Variants in ALG14 observed in about 807,000 individuals in gnomAD.
The protein encoded by ALG14 is ALG14 UDP-N-acetylglucosaminyltransferase subunit.
Under a neutral mutation model 22.8 loss-of-function variants are expected in ALG14, and 17 were observed. The ratio of observed to expected loss-of-function variants is 0.75; its 90% CI spans 0.51 to 1.12. The LOEUF is 1.12. Ranked by LOEUF, ALG14 falls within the 50% of genes most tolerant of loss-of-function variation. The pLI is 0.00. For synonymous variants in ALG14, 89 were observed against 103.7 expected, an observed-to-expected ratio of 0.86 and a Z score of 0.86; for missense variants, 288 against 271.8, an observed-to-expected ratio of 1.06 and a Z score of -0.42.
At chr1:95,019,389 G>C (rs563989888) in intron 3 of ALG14, among the ~76,000 whole-genome samples, 2 of 152,258 alleles carry the variant, frequency 1.3e-5, no homozygotes, top group East Asian at 3.9e-4. Context: ...ACCTGTTTCT[G>C]ATTGGATCTT....
chr1:95,057,447 TATAA>T (rs1674973586), intron 2 of ALG14, among the ~76,000 whole-genome samples: 1 of 151,834 alleles, frequency 6.6e-6, no homozygotes, highest in Non-Finnish European at 1.5e-5. Context: ...TATTAGGTAT[TATAA>T]ATAATCTGAA....
At chr1:95,007,342 C>T (rs1673245847) in intron 3 of ALG14, among the ~76,000 whole-genome samples, 1 of 152,208 alleles carries the variant, frequency 6.6e-6, no homozygotes, top group Admixed American at 6.5e-5. Context: ...CGTCTGAAGA[C>T]ATTTTTCCCT....
intron 3 of ALG14, among the ~76,000 whole-genome samples, chr1:95,020,288 G>T (rs890874343): frequency 2.0e-5 from 3 of 151,986 alleles, no homozygotes; most frequent in African/African-American, 7.3e-5. Context: ...AAGAGTAAGC[G>T]CTAACTGAAA....
At chr1:95,049,653 T>C (rs1366950208) in intron 2 of ALG14, among the ~76,000 whole-genome samples, 1 of 152,050 alleles carries the variant, frequency 6.6e-6, no homozygotes, top group Non-Finnish European at 1.5e-5. Flanking sequence ...AGGCAGATCA[T>C]TTGAGCTCAA....
intron 3 of ALG14, among the ~76,000 whole-genome samples, chr1:94,987,106 G>C (rs1031054222): frequency 1.8e-4 from 27 of 152,180 alleles, no homozygotes; most frequent in African/African-American, 6.5e-4. Flanking sequence ...ACCATGTAGA[G>C]AGCTTGAGAA....
chr1:95,049,202 AAGG>A (rs1389569747), intron 2 of ALG14, among the ~76,000 whole-genome samples: 1 of 152,206 alleles, frequency 6.6e-6, no homozygotes, highest in African/African-American at 2.4e-5. Context: ...AGGGCTATGA[AAGG>A]TTATAATTAC....
chr1:95,042,313 C>T (rs1254107691), intron 2 of ALG14, among the ~76,000 whole-genome samples: 1 of 151,990 alleles, frequency 6.6e-6, no homozygotes, highest in African/African-American at 2.4e-5. Flanking sequence ...CATACACACA[C>T]ACACACACAC....
Position 94,982,699 on chromosome 1 carries a change from C to CAAAAAAAAAAAAAAAAA in ALG14, c.*360_*376dup, listed in dbSNP as rs368855559. 2.5e-5 allele frequency: 2 copies of CAAAAAAAAAAAAAAAAA among 79,460 alleles called. No individual in the cohort carries two copies. Among genetic ancestry groups the CAAAAAAAAAAAAAAAAA allele is most frequent in the African/African-American group, 9.9e-5 (2 of 20,206 alleles). 4.9% of individuals were successfully genotyped at this position (79,460 alleles called of 1,614,324 possible). A position where few individuals can be genotyped will look rare whatever the true frequency, so the allele number is the denominator to read the frequency against. ...TTCTTTTACAATGCAGAATACTTTACAAAAAAAAAAAAAAAAAAAAAAAGC... is the reference window on the plus strand; with the variant it reads ...TTCTTTTACAATGCAGAATACTTTACAAAAAAAAAAAAAAAAAAAAAAAAAAAAAAAAAAAAAAAAGC... On this transcript the variant is annotated 3_prime_UTR_variant, in exon 4 of 4. Coordinates refer to ENST00000370205, the MANE Select transcript of ALG14 (RefSeq NM_144988.4).
rs539550497 is a variant in ALG14 at position 94,983,004 on chromosome 1, G to A, written c.*72C>T. 7.7e-7 allele frequency: 1 copy of A among 1,299,884 alleles called. No individual in the cohort carries two copies. The highest frequency in any genetic ancestry group is 2.3e-5 in the East Asian group (1 of 43,062). 80.5% of individuals were successfully genotyped at this position (1,299,884 alleles called of 1,614,324 possible). A position where few individuals can be genotyped will look rare whatever the true frequency, so the allele number is the denominator to read the frequency against. ...AGACGCCTTTACAAGAAACATGTAG[G>A]GTTTTTTTCCCCCCAATTTGAGTAC... On this transcript the variant is annotated 3_prime_UTR_variant, in exon 4 of 4. Coordinates refer to ENST00000370205, the MANE Select transcript of ALG14 (RefSeq NM_144988.4).
rs1234535435 is a variant in ALG14, at chr1:94,977,192, G to C, written c.*5884C>G. On this transcript the variant is annotated 3_prime_UTR_variant, in exon 4 of 4. Coordinates refer to ENST00000370205, the MANE Select transcript of ALG14 (RefSeq NM_144988.4). Reference sequence around the variant, plus strand: ...CACAGATCACTGACTGACTAAAGAGGAGATAGGCCGGGCGCAGTGCCGCAT... The same window carrying C: ...CACAGATCACTGACTGACTAAAGAGCAGATAGGCCGGGCGCAGTGCCGCAT... 2 of 152,174 alleles carry C rather than the reference G, an allele frequency of 1.3e-5. No homozygotes were observed. The allele number at this position is 152,174 out of a possible 1,614,324, so 9.4% of individuals were successfully genotyped here. A position where few individuals can be genotyped will look rare whatever the true frequency, so the allele number is the denominator to read the frequency against.
rs1426051277 is a variant in ALG14, at chr1:94,982,091, T to A, written c.*985A>T. On this transcript the variant is annotated 3_prime_UTR_variant, in exon 4 of 4. Coordinates refer to ENST00000370205, the MANE Select transcript of ALG14 (RefSeq NM_144988.4). ...GGACAAGTCATCTGTAAAATGGGAATAATAACAGTCCCTACATCATTGAGT... is the reference window on the plus strand; with the variant it reads ...GGACAAGTCATCTGTAAAATGGGAAAAATAACAGTCCCTACATCATTGAGT... 6.6e-6 allele frequency: 1 copy of A among 150,846 alleles called. No individual in the cohort carries two copies. Among genetic ancestry groups the A allele is most frequent in the Non-Finnish European group, 1.5e-5 (1 of 67,818 alleles). The allele number at this position is 150,846 out of a possible 1,614,324, so 9.3% of individuals were successfully genotyped here.
At chr1:95,061,456 A>C (rs1238965863) in intron 2 of ALG14, 1 of 152,104 alleles carries the variant, frequency 6.6e-6, no homozygotes, top group Non-Finnish European at 1.5e-5. Flanking sequence ...TTTACAAATG[A>C]CCAAAAGTTA....
At chr1:95,064,650 A>G (rs1675291620) in intron 2 of ALG14, among the ~76,000 whole-genome samples, 3 of 152,216 alleles carry the variant, frequency 2.0e-5, no homozygotes, top group Admixed American at 6.5e-5. Flanking sequence ...CATGGTGGAT[A>G]AACTTTTTGA....
chr1:95,017,688 C>G (rs1242675755), intron 3 of ALG14, among the ~76,000 whole-genome samples: 2 of 152,208 alleles, frequency 1.3e-5, no homozygotes, highest in Non-Finnish European at 2.9e-5. Flanking sequence ...AGGGCAACCA[C>G]CTTCTCGAAG....
chr1:94,988,031 T>TGCCCAGGAACACA (rs2100716326), intron 3 of ALG14, among the ~76,000 whole-genome samples: 1 of 152,322 alleles, frequency 6.6e-6, no homozygotes, highest in South Asian at 2.1e-4. Context: ...GAAAGCTTTA[T>TGCCCAGGAACACA]TGAGCTCCTG....
chr1:95,003,464 T>A (rs1422905513), intron 3 of ALG14, among the ~76,000 whole-genome samples: 2 of 151,752 alleles, frequency 1.3e-5, no homozygotes, highest in East Asian at 3.9e-4. Flanking sequence ...TTTTTTTTTT[T>A]TTTGAGACAG....
intron 2 of ALG14, 125 bp from the exon 3 acceptor site, chr1:95,027,385 T>A: frequency 8.4e-7 from 1 of 1,195,042 alleles, no homozygotes; most frequent in South Asian, 1.5e-5. Flanking sequence ...CTAACCACTT[T>A]TAAATTAGAG....
chr1:95,026,171 A>T (rs1673809718), intron 3 of ALG14, among the ~76,000 whole-genome samples: 2 of 152,218 alleles, frequency 1.3e-5, no homozygotes, highest in South Asian at 4.2e-4. Flanking sequence ...TAACCTTGTG[A>T]TCCGCCTGCC....
chr1:95,001,895 G>A (rs1339871258), intron 3 of ALG14, among the ~76,000 whole-genome samples: 1 of 152,138 alleles, frequency 6.6e-6, no homozygotes, highest in Admixed American at 6.5e-5. Context: ...CATAAATATA[G>A]GCATTCAATT....
Sources: gnomAD v4.1 joint callset for allele counts (sites outside exome capture counted in the v4.1 genomes callset) on GRCh38, gnomAD v4.1.1 for gene constraint, MANE v1.5 for transcripts, NCBI Gene and HGNC (gene_info 2026-07-23, HGNC 2026-07-21) for gene names.